WDR37: variants seen among roughly 807,000 people sequenced by gnomAD.
The protein encoded by WDR37 is WD repeat-containing protein 37.
A neutral mutation model predicts 62.9 loss-of-function variants in WDR37; 19 were observed. The observed-to-expected ratio is 0.30, with a 90% CI of 0.21 to 0.44. The LOEUF (loss-of-function observed/expected upper bound fraction) is 0.44. Ranked by LOEUF, WDR37 falls within the 20% of genes least tolerant of loss-of-function variation. The pLI, the probability that WDR37 is intolerant of heterozygous loss-of-function variation, is 1.00. For synonymous variants in WDR37, 250 were observed against 260.9 expected (o/e 0.96, Z 0.40); for missense variants, 474 against 657.6 (o/e 0.72, Z 3.05).
intron 13 of WDR37, among the ~76,000 whole-genome samples, chr10:1,126,409 A>G (rs1051034411): frequency 6.6e-6 from 1 of 151,152 alleles, no homozygotes; most frequent in Non-Finnish European, 1.5e-5. Context: ...GTGTCTCAGA[A>G]AAAAAAAAAA....
intron 9 of WDR37, among the ~76,000 whole-genome samples, chr10:1,100,311 C>T (rs2131654896): frequency 6.6e-6 from 1 of 151,336 alleles, no homozygotes; most frequent in South Asian, 2.1e-4. Flanking sequence ...TTGTGTTGGG[C>T]CCTCCCTAAT....
intron 1 of WDR37, 102 bp from the exon 2 acceptor site, chr10:1,072,014 G>C: frequency 2.2e-6 from 2 of 907,792 alleles, no homozygotes; most frequent in South Asian, 4.0e-5. Flanking sequence ...GTTAACTATA[G>C]TAAGGAAGCT....
At chr10:1,110,800 G>A (rs1387727774) in intron 11 of WDR37, among the ~76,000 whole-genome samples, 9 of 152,242 alleles carry the variant, frequency 5.9e-5, no homozygotes, top group South Asian at 2.1e-4. Flanking sequence ...AAGGACATCC[G>A]TGAGCCTCCG....
At chr10:1,075,750 A>C (rs1357873188) in intron 2 of WDR37, among the ~76,000 whole-genome samples, 1 of 150,870 alleles carries the variant, frequency 6.6e-6, no homozygotes, top group Non-Finnish European at 1.5e-5. Flanking sequence ...TTCTCAGTTC[A>C]GCACAAGCTT....
intron 1 of WDR37, among the ~76,000 whole-genome samples, chr10:1,059,474 A>G (rs1172947474): frequency 6.6e-6 from 1 of 151,712 alleles, no homozygotes; most frequent in African/African-American, 2.4e-5. Flanking sequence ...GATAATTTCT[A>G]TAGCTACAAA....
intron 11 of WDR37, among the ~76,000 whole-genome samples, chr10:1,122,338 G>A (rs1037522300): frequency 6.6e-6 from 1 of 152,188 alleles, no homozygotes; most frequent in Non-Finnish European, 1.5e-5. Flanking sequence ...GGGGTGAGGC[G>A]GGTTTTGAGC....
chr10:1,110,111 A>G (rs1290346655), intron 11 of WDR37, among the ~76,000 whole-genome samples: 1 of 152,210 alleles, frequency 6.6e-6, no homozygotes, highest in Non-Finnish European at 1.5e-5. Context: ...GTTGATGTGT[A>G]CATCCAAAAA....
chr10:1,079,318 C>T (rs1402762237), intron 3 of WDR37, among the ~76,000 whole-genome samples: 1 of 151,900 alleles, frequency 6.6e-6, no homozygotes, highest in African/African-American at 2.4e-5. Context: ...CCCCTGGCCT[C>T]AAGTGATCTG....
At chr10:1,058,039 A>C (rs1437726765) in intron 1 of WDR37, among the ~76,000 whole-genome samples, 1 of 152,216 alleles carries the variant, frequency 6.6e-6, no homozygotes, top group East Asian at 1.9e-4. Context: ...CGAGTCTTTC[A>C]AAATAGCTTT....
chr10:1,117,128 C>T (rs1029880406), intron 11 of WDR37, among the ~76,000 whole-genome samples: 2 of 152,160 alleles, frequency 1.3e-5, no homozygotes, highest in Non-Finnish European at 2.9e-5. Context: ...GATCACGGCT[C>T]ACTGCAATCT....
intron 7 of WDR37, 126 bp downstream of exon 7, chr10:1,086,483 C>T (rs1834205361): frequency 2.9e-6 from 2 of 700,928 alleles, no homozygotes; most frequent in South Asian, 3.5e-5. Flanking sequence ...TGTCAGGGGA[C>T]AGTGTGGTCT....
Position 1,124,340 on chromosome 10 carries a change from C to G in WDR37, c.1226C>G (p.Ser409Cys). 6.2e-7 allele frequency: 1 copy of G among 1,614,200 alleles called. No homozygotes were observed. Among genetic ancestry groups the G allele is most frequent in the Non-Finnish European group, 8.5e-7 (1 of 1,180,046 alleles). ...CCCATTGCAACTATTCGCACGGACT[C>G]TGCCATTAACAGGTAAAGTCAAACT... is the stretch of plus-strand genomic sequence containing the variant. ...RSPIATIRTD[S>C]AINRINVCVG... Residue 409 changes from serine to cysteine, a missense_variant, in exon 12 of 14, where the codon TCT (serine) becomes TGT (cysteine). Physicochemically the swap from Ser to Cys is moderately radical, Grantham distance 112. Coordinates refer to ENST00000263150, the MANE Select transcript of WDR37 (RefSeq NM_014023.4).
chr10:1,124,499 T>C (rs1247606696), intron 12 of WDR37, 147 bp downstream of exon 12: 1 of 1,222,194 alleles, frequency 8.2e-7, no homozygotes, highest in Non-Finnish European at 1.1e-6. Context: ...AGTTTCAGTA[T>C]TCCATGAAAA....
chr10:1,108,001 CTG>C (rs1387359471), intron 11 of WDR37, among the ~76,000 whole-genome samples: 4 of 152,228 alleles, frequency 2.6e-5, no homozygotes, highest in South Asian at 2.1e-4. Context: ...ACTGCTGTCT[CTG>C]TAGATGTGTA....
chr10:1,073,931 G>C (rs1833793622), intron 2 of WDR37, among the ~76,000 whole-genome samples: 1 of 152,150 alleles, frequency 6.6e-6, no homozygotes, highest in Non-Finnish European at 1.5e-5. Context: ...CTGGGCCTGT[G>C]GACCCCGTTC....
chr10:1,129,367 C>T lies in WDR37; in HGVS notation c.*23C>T. The T allele has an allele frequency of 2.5e-6, 4 of 1,613,592 alleles. No homozygotes were observed. Among genetic ancestry groups the T allele is most frequent in the Non-Finnish European group, 3.4e-6 (4 of 1,179,648 alleles). On this transcript the variant is annotated 3_prime_UTR_variant, in exon 14 of 14. Transcript: ENST00000263150. ...TAAGGACACCGGCAGCCCTTAGTTT[C>T]ACTGTTTGCCAGCACAGACCTTTGA...
At chr10:1,080,295 G>A (rs367677454) in intron 4 of WDR37, 117 bp from the exon 5 acceptor site, 2 of 1,383,398 alleles carry the variant, frequency 1.4e-6, no homozygotes, top group South Asian at 2.5e-5. Flanking sequence ...GTGTCACTAG[G>A]GTCAAACGAG....
chr10:1,077,847 A>C, intron 2 of WDR37, 60 bp from the exon 3 acceptor site: 1 of 1,255,954 alleles, frequency 8.0e-7, no homozygotes, highest in Non-Finnish European at 1.1e-6. Context: ...TGGAAAAAGC[A>C]TATTTGTACT....
intron 2 of WDR37, among the ~76,000 whole-genome samples, chr10:1,077,533 G>A (rs972327288): frequency 4.6e-4 from 70 of 152,286 alleles, no homozygotes; most frequent in Non-Finnish European, 8.5e-4. Flanking sequence ...ATACTTGTAG[G>A]ATAGCGTATG....
Sources: allele counts gnomAD v4.1 joint callset (sites outside exome capture counted in the v4.1 genomes callset), GRCh38; gene constraint gnomAD v4.1.1; transcripts MANE v1.5; gene names NCBI Gene and HGNC (gene_info 2026-07-23, HGNC 2026-07-21).